The following KMT2A variants were observed in gnomAD, a reference collection of about 807,000 sequenced individuals.
KMT2A encodes lysine methyltransferase 2A, also known as histone-lysine N-methyltransferase 2A.
In KMT2A, 16 loss-of-function variants were observed where a neutral mutation model predicts 345.3. The observed-to-expected ratio is 0.05, with a 90% CI of 0.03 to 0.07. The LOEUF (loss-of-function observed/expected upper bound fraction) is 0.07, where lower values mean the gene tolerates loss of function less well. Ranked by LOEUF, KMT2A falls within the 10% of genes least tolerant of loss-of-function variation. The pLI is 1.00. For synonymous variants in KMT2A, 1,599 were observed against 1,778.6 expected (o/e 0.90, Z 2.54); for missense variants, 3,272 against 4,841.6 (o/e 0.68, Z 9.62).
intron 11 of KMT2A, 120 bp downstream of exon 11, chr11:118,488,880 T>C: frequency 1.3e-6 from 1 of 785,898 alleles, no homozygotes; most frequent in Non-Finnish European, 2.0e-6. Context: ...GCCTCTGTAC[T>C]CTATGTGAAC....
At chr11:118,471,388 T>C (rs1177053091) in intron 2 of KMT2A, among the ~76,000 whole-genome samples, 1 of 152,194 alleles carries the variant, frequency 6.6e-6, no homozygotes, top group Admixed American at 6.6e-5. Context: ...AGAAAATCAG[T>C]TTTGTGGATT....
chr11:118,503,544 T>G lies in KMT2A; in HGVS notation c.7652T>G (p.Leu2551Trp), dbSNP rs782539624. 24 of 1,614,040 alleles carry G rather than the reference T, an allele frequency of 1.5e-5. No individual in the cohort carries two copies. Among genetic ancestry groups the G allele is most frequent in the Non-Finnish European group, 1.9e-5 (22 of 1,180,020 alleles). The stretch of plus-strand genomic sequence containing the variant: ...AAAGAAAGTAGTCCTGCTTCCCCTT[T>G]GCAAATAGAGTCAACATCTCCCACA... ...ALKESSPASP[L>W]QIESTSPTEP... The change falls in exon 27 of 36, where the codon TTG (leucine) becomes TGG (tryptophan). Residue 2551 changes from leucine (L) to tryptophan (W), a missense_variant. This residue lies in a region of KMT2A where 445 missense variants were observed against 500.9 expected (regional missense o/e 0.89). Transcript: ENST00000534358. This position sits in a 1 kb window ranked among gnomAD's most constrained non-coding sequence, Gnocchi z 5.3.
chr11:118,505,193 G>A lies in KMT2A; in HGVS notation c.9301G>A (p.Val3101Met). 6.2e-7 allele frequency: 1 copy of A among 1,614,116 alleles called. No homozygotes were observed. The highest frequency in any genetic ancestry group is 8.5e-7 in the Non-Finnish European group (1 of 1,180,026). The stretch of plus-strand genomic sequence containing the variant: ...TGTTCTCCAAACTCTTCCAAATGGA[G>A]TGACCCAAAAAATCCAATTGACCTC... ...LYVLQTLPNGVTQKIQLTSSV... is the reference protein window; with the variant it reads ...LYVLQTLPNGMTQKIQLTSSV... Residue 3101 changes from valine (V) to methionine (M), a missense_variant, in exon 27 of 36, where the codon GTG (valine) becomes ATG (methionine). Physicochemically the swap from Val to Met is conservative, Grantham distance 21. This residue lies in a region of KMT2A where 748 missense variants were observed against 922.2 expected (regional missense o/e 0.81). Transcript: ENST00000534358. The surrounding 1 kb of genome is among the most constrained non-coding windows in gnomAD (Gnocchi z 4.6).
chr11:118,510,263 C>T lies in KMT2A; in HGVS notation c.11071+145C>T. ...GGAGGCATCATACATTTTCCTTGTC[C>T]TTGAGAAGTTTGTCTTATTGGAGAA... On this transcript the variant is annotated intron_variant, in intron 30 of 35. Transcript: ENST00000534358. This position sits in a 1 kb window ranked among gnomAD's most constrained non-coding sequence, Gnocchi z 4.1. 1 of 610,976 alleles carries T rather than the reference C, an allele frequency of 1.6e-6. No individual in the cohort carries two copies. Among genetic ancestry groups the T allele is most frequent in the Non-Finnish European group, 2.8e-6 (1 of 358,726 alleles). The allele number at this position is 610,976 out of a possible 1,614,324, so 37.8% of individuals were successfully genotyped here.
In KMT2A at chr11:118,473,687, C is replaced by T. The variant is rs59939662; in HGVS notation, c.2528C>T (p.Ser843Phe). Residue 843 changes from serine (S) to phenylalanine (F), a missense_variant, in exon 3 of 36, where the codon TCT (serine) becomes TTT (phenylalanine). Coordinates refer to ENST00000534358, the MANE Select transcript of KMT2A (RefSeq NM_001197104.2). The surrounding 1 kb of genome is among the most constrained non-coding windows in gnomAD (Gnocchi z 5.2). ...TPLFPWFTPG[S>F]QTERGRNKDK... ...CTCTTCCCTTGGTTTACCCCAGGCT[C>T]TCAGACTGAAAGAGGGAGAAATAAA... The T allele has an allele frequency of 6.2e-7, 1 of 1,614,028 alleles. No homozygotes were observed. The highest frequency in any genetic ancestry group is 1.3e-5 in the African/African-American group (1 of 74,892).
chr11:118,501,568 T>G, intron 25 of KMT2A, 104 bp from the exon 26 acceptor site: 1 of 925,596 alleles, frequency 1.1e-6, no homozygotes, highest in Non-Finnish European at 1.6e-6. Context: ...AAGTCTCATT[T>G]GCTTCTAGTT....
intron 10 of KMT2A, 62 bp from the exon 11 acceptor site, chr11:118,488,552 G>A: frequency 6.4e-7 from 1 of 1,566,958 alleles, no homozygotes; most frequent in Non-Finnish European, 8.8e-7. Context: ...GAAGGGTATG[G>A]TTGATTATGT....
chr11:118,518,953 C>G (rs1950890924), intron 31 of KMT2A, among the ~76,000 whole-genome samples: 1 of 145,180 alleles, frequency 6.9e-6, no homozygotes, highest in African/African-American at 2.8e-5. Flanking sequence ...GTGGCGGCGC[C>G]CGTAGTCCCA....
intron 29 of KMT2A, among the ~76,000 whole-genome samples, 156 bp downstream of exon 29, chr11:118,509,356 C>T (rs532773133): frequency 1.3e-4 from 20 of 151,780 alleles, no homozygotes; most frequent in Admixed American, 5.3e-4. Context: ...TGAAACTTGG[C>T]GCACCTGTCT....
Position 118,484,288 on chromosome 11 carries a change from G to A in KMT2A, c.4192G>A (p.Val1398Ile), listed in dbSNP as rs1555040254. Residue 1398 changes from valine to isoleucine, a missense_variant, in exon 9 of 36, where the codon GTC (valine) becomes ATC (isoleucine). By Grantham distance (29) the Val-to-Ile change is conservative (BLOSUM62 3). Transcript: ENST00000534358. This position sits in a 1 kb window ranked among gnomAD's most constrained non-coding sequence, Gnocchi z 4.1. ...SSKQKIPADG[V>I]HRIRVDFKED... ...TAAGCAAAAAATTCCAGCAGATGGA[G>A]TCCACAGGATCAGAGTGGACTTTAA... 6.2e-7 allele frequency: 1 copy of A among 1,614,110 alleles called. No individual in the cohort carries two copies. The highest frequency in any genetic ancestry group is 8.5e-7 in the Non-Finnish European group (1 of 1,179,978).
rs561846584 is a variant in KMT2A, at chr11:118,515,713, G to T, written c.11146+3688G>T. Among the ~76,000 whole-genome samples the T allele has an allele frequency of 4.2e-5, 6 of 141,872 alleles. No homozygotes were observed. The South Asian group carries it at 6.8e-4, about 16-fold the overall frequency. The allele number at this position is 141,872 out of a possible 152,430, so 93.1% of individuals were successfully genotyped here. ...TTTTTTTTTTTTTTTTTGAGACAGG[G>T]TCTCACACTGTTGCCCAGGCTGGAG... On this transcript the variant is annotated intron_variant, in intron 31 of 35. Transcript: ENST00000534358.
Position 118,520,105 on chromosome 11 carries a change from CCT to C in KMT2A, c.11429+45_11429+46del, listed in dbSNP as rs1414270754. 1.7e-5 allele frequency: 22 copies of C among 1,330,740 alleles called. No homozygotes were observed. Among genetic ancestry groups the C allele is most frequent in the Non-Finnish European group, 2.4e-5 (22 of 927,220 alleles). 82.4% of individuals were successfully genotyped at this position (1,330,740 alleles called of 1,614,324 possible). On this transcript the variant is annotated intron_variant, in intron 33 of 35. Transcript: ENST00000534358. The surrounding 1 kb of genome is among the most constrained non-coding windows in gnomAD (Gnocchi z 4.3). ...GGAGCAGTCATTAGAAACTGCTTTC[CCT>C]CTCCTCCAGCTGGTCAGGGCACTAC...
In KMT2A at chr11:118,493,445, C is replaced by A. The variant is rs572557316; in HGVS notation, c.5178+215C>A. Among the ~76,000 whole-genome samples, 1 of 152,194 alleles carries A rather than the reference C, an allele frequency of 6.6e-6. No individual in the cohort carries two copies. Among genetic ancestry groups the A allele is most frequent in the East Asian group, 1.9e-4 (1 of 5,186 alleles). Reference sequence around the variant, plus strand: ...GGGAAGATAATGTCTTAAAATAGTTCTTTTATTTGGCTTTCATCTCAGTTT... The same window carrying A: ...GGGAAGATAATGTCTTAAAATAGTTATTTTATTTGGCTTTCATCTCAGTTT... On this transcript the variant is annotated intron_variant, in intron 16 of 35. Coordinates refer to ENST00000534358, the MANE Select transcript of KMT2A (RefSeq NM_001197104.2). The surrounding 1 kb of genome is among the most constrained non-coding windows in gnomAD (Gnocchi z 5.8).
In KMT2A at chr11:118,490,783, T is replaced by G. The variant is rs1950312308; in HGVS notation, c.4697-413T>G. On this transcript the variant is annotated intron_variant, in intron 13 of 35. Transcript: ENST00000534358. The surrounding 1 kb of genome is among the most constrained non-coding windows in gnomAD (Gnocchi z 4.2). ...TACTGAATCTTAGGAAGTGCTCCTC[T>G]AAGCTCTAATGTAAATGCCCTAGAA... is the stretch of plus-strand genomic sequence containing the variant. Among the ~76,000 whole-genome samples the G allele has an allele frequency of 6.6e-6, 1 of 152,170 alleles. No homozygotes were observed. The highest frequency in any genetic ancestry group is 2.1e-4 in the South Asian group (1 of 4,834).
intron 1 of KMT2A, chr11:118,449,806 TC>T (rs1411383960): frequency 6.6e-6 from 1 of 152,062 alleles, no homozygotes; most frequent in Non-Finnish European, 1.5e-5. Flanking sequence ...CAGCCCATCT[TC>T]CCAGAAGGAA....
At chr11:118,518,190 T>C (rs1565315556) in intron 31 of KMT2A, among the ~76,000 whole-genome samples, 1 of 152,212 alleles carries the variant, frequency 6.6e-6, no homozygotes, top group Non-Finnish European at 1.5e-5. Context: ...GTTTACTTAA[T>C]AAAAATGTAA....
chr11:118,519,806 T>A lies in KMT2A; in HGVS notation c.11321+14T>A, dbSNP rs781790977. On this transcript the variant is annotated intron_variant, in intron 32 of 35. Transcript: ENST00000534358. ...AGTCCACCTCAGGCAAGTTCCCTTCTTTTCTGTCAGCAGTTTTGGGTCTCG... is the reference window on the plus strand; with the variant it reads ...AGTCCACCTCAGGCAAGTTCCCTTCATTTCTGTCAGCAGTTTTGGGTCTCG... 1.1e-5 allele frequency: 18 copies of A among 1,606,670 alleles called. No individual in the cohort carries two copies.
At chr11:118,517,178 G>A (rs1362482779) in intron 31 of KMT2A, among the ~76,000 whole-genome samples, 3 of 151,688 alleles carry the variant, frequency 2.0e-5, no homozygotes, top group Non-Finnish European at 4.4e-5. Context: ...GGCAGATCAC[G>A]AGGTCAGGAG....
chr11:118,464,144 G>T (rs2134237157), intron 1 of KMT2A, among the ~76,000 whole-genome samples: 1 of 152,318 alleles, frequency 6.6e-6, no homozygotes, highest in Middle Eastern at 3.4e-3. Flanking sequence ...AATTCATCTT[G>T]TTCATGCCGT....
Sources: allele counts gnomAD v4.1 joint callset (sites outside exome capture counted in the v4.1 genomes callset), GRCh38; gene constraint gnomAD v4.1.1; regional missense constraint gnomAD v4.1.1; non-coding constraint Gnocchi (gnomAD v3.1); transcripts MANE v1.5; gene names NCBI Gene and HGNC (gene_info 2026-07-23, HGNC 2026-07-21).